Variants in RTF2 observed in about 807,000 individuals in gnomAD.
RTF2 encodes the protein replication termination factor 2.
RTF2 carries 18 observed loss-of-function variants against 38.0 expected under a neutral mutation model. The ratio of observed to expected loss-of-function variants is 0.47; its 90% confidence interval spans 0.33 to 0.70. The LOEUF (loss-of-function observed/expected upper bound fraction) is 0.70, where lower values mean the gene tolerates loss of function less well. Among genes scored for constraint, RTF2 ranks in the 30% least tolerant of loss-of-function variants. The pLI, the probability that RTF2 is intolerant of heterozygous loss-of-function variation, is 0.02. For missense variants in RTF2, 311 were observed against 379.6 expected (o/e 0.82, Z 1.50); for synonymous variants, 126 against 137.1 (o/e 0.92, Z 0.57).
chr20:56,471,297 G>A (rs1366753592), intron 1 of RTF2, among the ~76,000 whole-genome samples: 2 of 152,176 alleles, frequency 1.3e-5, no homozygotes, highest in African/African-American at 4.8e-5. Context: ...GGCCAGGCGC[G>A]GTGGCTCACG....
At chr20:56,472,418 A>T (rs1180438028) in intron 1 of RTF2, 3 of 1,516,842 alleles carry the variant, frequency 2.0e-6, no homozygotes, top group South Asian at 1.2e-5. Flanking sequence ...AATATGATGT[A>T]TGTGAAAATG....
In RTF2 at chr20:56,517,001, C is replaced by A; in HGVS notation, c.646+12C>A. 1.2e-6 allele frequency: 2 copies of A among 1,613,156 alleles called. No individual in the cohort carries two copies. Among genetic ancestry groups the A allele is most frequent in the Non-Finnish European group, 1.7e-6 (2 of 1,179,072 alleles). On this transcript the variant is annotated intron_variant, in intron 7 of 8. Transcript: ENST00000357348. Reference sequence around the variant, plus strand: ...AGATGTCAGTGAAGGTAAGATCCTTCAAGAGATCCTTATTTTAGCAAAATG... The same window carrying A: ...AGATGTCAGTGAAGGTAAGATCCTTAAAGAGATCCTTATTTTAGCAAAATG...
chr20:56,513,376 A>G lies in RTF2; in HGVS notation c.539A>G (p.Asp180Gly), dbSNP rs1411779695. The G allele has an allele frequency of 6.2e-7, 1 of 1,609,340 alleles. No individual in the cohort carries two copies. Among genetic ancestry groups the G allele is most frequent in the East Asian group, 2.2e-5 (1 of 44,778 alleles). Residue 180 changes from aspartate (D) to glycine (G), a missense_variant, in exon 6 of 9, where the codon GAC becomes GGC. Asp to Gly is a moderately conservative substitution (Grantham distance 94). Coordinates refer to ENST00000357348, the MANE Select transcript of RTF2 (RefSeq NM_016407.5). Reference sequence around the variant, plus strand: ...CTCAATGGCACCAAGGAGGATGTGGACGTGCTGAAGACAAGGATGGAGGAG... The same window carrying G: ...CTCAATGGCACCAAGGAGGATGTGGGCGTGCTGAAGACAAGGATGGAGGAG... The part of the protein sequence containing the change: ...IMLNGTKEDV[D>G]VLKTRMEERR...
At chr20:56,501,185 A>G (rs1983906672) in intron 5 of RTF2, among the ~76,000 whole-genome samples, 1 of 149,376 alleles carries the variant, frequency 6.7e-6, no homozygotes, top group African/African-American at 2.4e-5. Context: ...CTGGAGGAAT[A>G]AACTTTTCAT....
intron 8 of RTF2, 31 bp from the exon 9 acceptor site, chr20:56,518,056 C>T: frequency 6.3e-7 from 1 of 1,589,294 alleles, no homozygotes; most frequent in African/African-American, 1.4e-5. Context: ...TTTATCCCAA[C>T]CCTGACAGTT....
At chr20:56,471,572 AAAAAC>A (rs11473355) in intron 1 of RTF2, 4,749 of 151,606 alleles carry the variant, frequency 0.031, 100 homozygotes, top group Non-Finnish European at 0.048. Flanking sequence ...CGTCTCAAAA[AAAAAC>A]AAAACAAAAC....
chr20:56,502,990 G>A (rs372316929), intron 5 of RTF2, among the ~76,000 whole-genome samples: 3 of 152,230 alleles, frequency 2.0e-5, no homozygotes, highest in Non-Finnish European at 4.4e-5. Flanking sequence ...CTGGGAGGAG[G>A]TGTGGGAGTG....
intron 5 of RTF2, among the ~76,000 whole-genome samples, chr20:56,485,634 A>G (rs1878979086): frequency 6.6e-6 from 1 of 152,202 alleles, no homozygotes; most frequent in Non-Finnish European, 1.5e-5. Context: ...TGGGGTGACT[A>G]TGAATAAAGC....
chr20:56,486,028 C>T (rs539209832), intron 5 of RTF2, among the ~76,000 whole-genome samples: 8 of 152,216 alleles, frequency 5.3e-5, no homozygotes, highest in African/African-American at 1.9e-4. Flanking sequence ...GTTGCACTCC[C>T]GGGGATGGAG....
intron 5 of RTF2, 101 bp downstream of exon 5, chr20:56,484,290 C>G: frequency 9.7e-7 from 1 of 1,028,996 alleles, no homozygotes; most frequent in Non-Finnish European, 1.5e-6. Context: ...AATCAGCTCT[C>G]ATAAGTTGCT....
intron 5 of RTF2, among the ~76,000 whole-genome samples, chr20:56,511,102 G>A (rs6099180): frequency 0.83 from 126,061 of 152,194 alleles, 52,422 homozygotes; most frequent in East Asian, 0.99. Context: ...ATTTTTACAT[G>A]GTAAAACTTA....
intron 5 of RTF2, among the ~76,000 whole-genome samples, chr20:56,486,234 T>C (rs1982786941): frequency 6.6e-6 from 1 of 152,210 alleles, no homozygotes; most frequent in South Asian, 2.1e-4. Flanking sequence ...AAGTAGACTT[T>C]AAGCTCAGAG....
intron 1 of RTF2, chr20:56,470,831 G>A (rs890648867): frequency 8.3e-6 from 3 of 363,188 alleles, no homozygotes; most frequent in Non-Finnish European, 1.7e-5. Context: ...TGCCAGGAGA[G>A]TTACCCCAAC....
At chr20:56,468,816 CG>C in intron 1 of RTF2, 50 bp downstream of exon 1, 1 of 1,471,544 alleles carries the variant, frequency 6.8e-7, no homozygotes, top group Non-Finnish European at 9.3e-7. Context: ...GGGAATTTGA[CG>C]ACCCCAGAAA....
At chr20:56,478,182 C>T (rs1982353600) in intron 4 of RTF2, among the ~76,000 whole-genome samples, 2 of 152,124 alleles carry the variant, frequency 1.3e-5, no homozygotes, top group Non-Finnish European at 1.5e-5. Context: ...ATTTTGGTTT[C>T]TTAGTACATA....
chr20:56,486,207 C>T (rs1381473902), intron 5 of RTF2, among the ~76,000 whole-genome samples: 2 of 152,158 alleles, frequency 1.3e-5, no homozygotes, highest in South Asian at 2.1e-4. Flanking sequence ...TTGTAACACT[C>T]TCTTAACTGC....
intron 5 of RTF2, among the ~76,000 whole-genome samples, chr20:56,509,481 C>T (rs1330914630): frequency 2.6e-5 from 4 of 151,926 alleles, no homozygotes; most frequent in Middle Eastern, 3.4e-3. Context: ...GGCATGATGG[C>T]GGGGGCCTGT....
intron 5 of RTF2, chr20:56,496,913 A>T: frequency 3.2e-6 from 5 of 1,551,208 alleles, no homozygotes; most frequent in Non-Finnish European, 4.4e-6. Flanking sequence ...GGATTACTCC[A>T]GGAGTAATAT....
intron 2 of RTF2, among the ~76,000 whole-genome samples, chr20:56,474,333 T>C (rs1214103652): frequency 1.3e-5 from 2 of 151,944 alleles, no homozygotes; most frequent in Non-Finnish European, 2.9e-5. Flanking sequence ...ATATGAAAAT[T>C]AGCCAGGCAT....
Sources: gnomAD v4.1 joint callset for allele counts (sites outside exome capture counted in the v4.1 genomes callset) on GRCh38, gnomAD v4.1.1 for gene constraint, MANE v1.5 for transcripts, NCBI Gene and HGNC (gene_info 2026-07-23, HGNC 2026-07-21) for gene names.